The following TDP1 variants were observed in gnomAD, a reference collection of about 807,000 sequenced individuals.
TDP1 encodes the protein tyrosyl-DNA phosphodiesterase 1.
Under a neutral mutation model 81.5 loss-of-function variants are expected in TDP1, and 64 were observed. The ratio of observed to expected loss-of-function variants is 0.79; its 90% CI spans 0.64 to 0.97. The LOEUF (loss-of-function observed/expected upper bound fraction) is 0.97, where lower values mean the gene tolerates loss of function less well. TDP1 is among the 50% of genes least tolerant of loss of function. The pLI is 0.00. For missense variants in TDP1, 723 were observed against 743.8 expected, an observed-to-expected ratio of 0.97 and a Z score of 0.33; for synonymous variants, 256 against 264.3, an observed-to-expected ratio of 0.97 and a Z score of 0.30.
In TDP1 at chr14:90,032,778, C is replaced by T. The variant is rs147197137; in HGVS notation, c.1645-328C>T. On this transcript the variant is annotated intron_variant, in intron 15 of 16. Transcript: ENST00000335725. The stretch of plus-strand genomic sequence containing the variant: ...ATTTTTATACAGTGAGTTCTACAAA[C>T]TCCCTGCAAACTGTACATAATGTTG... The T allele has an allele frequency of 7.0e-5, 69 of 985,122 alleles. No homozygotes were observed. In the African/African-American group the frequency reaches 1.2e-3, roughly 17 times the overall value. The allele number at this position is 985,122 out of a possible 1,614,324, so 61.0% of individuals were successfully genotyped here.
At chr14:89,989,553 T>A in intron 11 of TDP1, 164 bp from the exon 12 acceptor site, 1 of 638,404 alleles carries the variant, frequency 1.6e-6, no homozygotes, top group Non-Finnish European at 1.9e-6. Flanking sequence ...GTTGTTTAAT[T>A]ACTAGTTCAT....
At position 89,988,939 on chromosome 14, in the gene TDP1, C is replaced by T. The variant is rs904276047; in HGVS notation, c.1166C>T (p.Ala389Val). 1.5e-5 allele frequency: 25 copies of T among 1,614,066 alleles called. No homozygotes were observed. The African/African-American group carries it at 3.2e-4, about 21-fold the overall frequency. ...GACCATGCCTCATCCATGCCTAACGCAGAGTCCTGGCCTGTCGTAGGTCAG... is the reference window on the plus strand; with the variant it reads ...GACCATGCCTCATCCATGCCTAACGTAGAGTCCTGGCCTGTCGTAGGTCAG... ...LKDHASSMPN[A>V]ESWPVVGQFS... The change falls in exon 11 of 17, where the codon GCA becomes GTA. Residue 389 changes from alanine (A) to valine (V), a missense_variant. Transcript: ENST00000335725.
chr14:89,963,558 A>C lies in TDP1; in HGVS notation c.444A>C (p.Ser148=), dbSNP rs778145237. 4 of 1,612,164 alleles carry C rather than the reference A, an allele frequency of 2.5e-6. No individual in the cohort carries two copies. The South Asian group carries it at 4.4e-5, about 18-fold the overall frequency. The change falls in exon 3 of 17, where the codon TCA becomes TCC. Residue 148 remains serine (S), a synonymous_variant. Transcript: ENST00000335725. The part of the protein sequence containing the change: ...LKEEEDEYET[S]GEGQDIWDML... ...AGGAGGAAGACGAGTATGAGACATC[A>C]GGGGAGGGCCAGGACATTTGGGACA...
intron 5 of TDP1, chr14:89,970,839 A>G: frequency 4.0e-6 from 3 of 756,764 alleles, no homozygotes; most frequent in Non-Finnish European, 4.8e-6. Flanking sequence ...TAATTTATTT[A>G]TTTATTTATT....
At chr14:89,989,310 C>T (rs921211937) in intron 11 of TDP1, 9 of 984,938 alleles carry the variant, frequency 9.1e-6, no homozygotes, top group African/African-American at 7.0e-5. Context: ...CTTGCCGATT[C>T]GTTCAGGAGC....
intron 6 of TDP1, among the ~76,000 whole-genome samples, chr14:89,972,563 G>A (rs35766668): frequency 0.095 from 14,479 of 152,224 alleles, 1,774 homozygotes; most frequent in African/African-American, 0.28. Flanking sequence ...AATGTGGCCA[G>A]TGAGTCTTGG....
At chr14:89,962,844 C>T (rs1892487657) in intron 2 of TDP1, 2 of 903,320 alleles carry the variant, frequency 2.2e-6, no homozygotes. Context: ...TGCACCACTC[C>T]AGCTGGGTGA....
At chr14:89,983,017 G>T in intron 8 of TDP1, 1 of 422,056 alleles carries the variant, frequency 2.4e-6, no homozygotes. Context: ...AAATTATTTG[G>T]CTCATTATAA....
intron 15 of TDP1, among the ~76,000 whole-genome samples, chr14:90,027,453 G>A (rs894670889): frequency 6.6e-6 from 1 of 152,038 alleles, no homozygotes; most frequent in African/African-American, 2.4e-5. Context: ...AGCTGGAACA[G>A]CATGTCCCCC....
chr14:90,016,709 A>C (rs914376348), intron 14 of TDP1, among the ~76,000 whole-genome samples: 12 of 152,046 alleles, frequency 7.9e-5, no homozygotes, highest in African/African-American at 2.9e-4. Flanking sequence ...CATGATAATA[A>C]ATTCCTTTAA....
intron 16 of TDP1, among the ~76,000 whole-genome samples, chr14:90,033,823 G>A (rs1887555234): frequency 6.6e-6 from 1 of 152,174 alleles, no homozygotes; most frequent in Non-Finnish European, 1.5e-5. Flanking sequence ...CAGCACCCTT[G>A]GAGGCCGAGG....
intron 14 of TDP1, among the ~76,000 whole-genome samples, chr14:89,998,464 A>G (rs1896915028): frequency 1.4e-5 from 2 of 142,190 alleles, no homozygotes; most frequent in Admixed American, 7.1e-5. Flanking sequence ...ATATATATGT[A>G]TATATTAATT....
chr14:90,029,071 A>C (rs1250609663), intron 15 of TDP1, among the ~76,000 whole-genome samples: 1 of 151,966 alleles, frequency 6.6e-6, no homozygotes, highest in Non-Finnish European at 1.5e-5. Flanking sequence ...CCTGCCTTAA[A>C]TTTTCAAGGA....
intron 14 of TDP1, among the ~76,000 whole-genome samples, chr14:90,017,238 C>G (rs1273075134): frequency 1.3e-5 from 2 of 152,124 alleles, no homozygotes; most frequent in Admixed American, 6.5e-5. Context: ...ACACTCCCCC[C>G]ACCCTCCCTG....
intron 14 of TDP1, among the ~76,000 whole-genome samples, chr14:90,015,896 C>T (rs1344167123): frequency 6.6e-6 from 1 of 152,158 alleles, no homozygotes; most frequent in African/African-American, 2.4e-5. Flanking sequence ...GGGACACAAA[C>T]ATTCAGTTCC....
chr14:90,021,341 G>A (rs1404956638), intron 15 of TDP1, among the ~76,000 whole-genome samples: 1 of 152,184 alleles, frequency 6.6e-6, no homozygotes, highest in Non-Finnish European at 1.5e-5. Flanking sequence ...TAGGAGGTGT[G>A]ATTATAGTGA....
chr14:90,037,719 A>G (rs1199892190), intron 16 of TDP1, among the ~76,000 whole-genome samples: 1 of 152,190 alleles, frequency 6.6e-6, no homozygotes, highest in Non-Finnish European at 1.5e-5. Context: ...TATATTTCCT[A>G]AAAAGAAAGG....
chr14:90,034,591 C>T (rs976646477), intron 16 of TDP1, among the ~76,000 whole-genome samples: 9 of 152,172 alleles, frequency 5.9e-5, no homozygotes, highest in Non-Finnish European at 1.0e-4. Flanking sequence ...TGGGTCCACA[C>T]TTAGCAAACT....
rs999254971 is a variant in TDP1, at chr14:89,962,994, G to A, written c.-7-114G>A. 4 of 1,566,440 alleles carry A rather than the reference G, an allele frequency of 2.6e-6. No homozygotes were observed. The African/African-American group carries it at 5.4e-5, about 21-fold the overall frequency. On this transcript the variant is annotated intron_variant, in intron 2 of 16. Transcript: ENST00000335725. ...CCCAAAAAGCAGCTGATGTTAGGTG[G>A]TTCAGCCTCTGGAAGGTGTCAGCTC...
Sources: gnomAD v4.1 joint callset for allele counts (sites outside exome capture counted in the v4.1 genomes callset) on GRCh38, gnomAD v4.1.1 for gene constraint, MANE v1.5 for transcripts, NCBI Gene and HGNC (gene_info 2026-07-23, HGNC 2026-07-21) for gene names.